VPS13D: variants seen among roughly 807,000 people sequenced by gnomAD.
VPS13D encodes vacuolar protein sorting 13 homolog D.
VPS13D carries 187 observed loss-of-function variants against 461.9 expected under a neutral mutation model. That is an observed-to-expected ratio of 0.40 (90% CI 0.36 to 0.46). VPS13D has a LOEUF of 0.46. Ranked by LOEUF, VPS13D falls within the 20% of genes least tolerant of loss-of-function variation. The pLI is 0.60. For missense variants in VPS13D, 4,711 were observed against 5,364.9 expected (o/e 0.88, Z 3.81); for synonymous variants, 1,951 against 1,986.3 (o/e 0.98, Z 0.47).
At chr1:12,338,978 G>T (rs1368775184) in intron 40 of VPS13D, among the ~76,000 whole-genome samples, 1 of 152,158 alleles carries the variant, frequency 6.6e-6, no homozygotes, top group Non-Finnish European at 1.5e-5. Flanking sequence ...AATGATTTAT[G>T]TGTGTACATG....
chr1:12,486,929 C>G (rs1645804809), intron 67 of VPS13D, among the ~76,000 whole-genome samples: 1 of 152,160 alleles, frequency 6.6e-6, no homozygotes, highest in African/African-American at 2.4e-5. Context: ...ACAAGAATCC[C>G]TGGTTCCGCA....
At chr1:12,395,207 G>T (rs949145612) in intron 60 of VPS13D, among the ~76,000 whole-genome samples, 1 of 152,156 alleles carries the variant, frequency 6.6e-6, no homozygotes, top group Non-Finnish European at 1.5e-5. Context: ...TCAGACAAAG[G>T]TGGAAAGCTG....
intron 39 of VPS13D, chr1:12,336,443 G>T (rs1412285034): frequency 2.0e-5 from 3 of 152,214 alleles, no homozygotes; most frequent in African/African-American, 7.2e-5. Flanking sequence ...TGGGGAGATG[G>T]TGATGGACAA....
chr1:12,360,440 T>C (rs1339825649), intron 50 of VPS13D, among the ~76,000 whole-genome samples: 2 of 152,240 alleles, frequency 1.3e-5, no homozygotes, highest in African/African-American at 2.4e-5. Flanking sequence ...TATCAACTTA[T>C]TGATTTATCA....
At chr1:12,331,131 G>A (rs1643321112) in intron 37 of VPS13D, among the ~76,000 whole-genome samples, 2 of 152,172 alleles carry the variant, frequency 1.3e-5, no homozygotes, top group Non-Finnish European at 2.9e-5. Context: ...AAATTCAGAA[G>A]CCATAATATA....
rs147297376 is a variant in VPS13D, at chr1:12,358,465, G to C, written c.10005G>C (p.Thr3335=). Residue 3335 remains threonine, a synonymous_variant, in exon 50 of 70, where the codon ACG becomes ACC. Transcript: ENST00000620676. ...YADKEQPNLC[T]MRIGRGIHPE... is the part of the protein sequence containing the mutation. ...TTGCTTTTCTGCCCCACAGCTGCAC[G>C]ATGAGAATCGGAAGGGGGATTCATC... 1.9e-6 allele frequency: 3 copies of C among 1,613,970 alleles called. No individual in the cohort carries two copies. In the African/African-American group the frequency reaches 4.0e-5, roughly 22 times the overall value.
chr1:12,381,924 T>TTCTTTTCTTTCTTTCTC (rs1644280161), intron 57 of VPS13D, among the ~76,000 whole-genome samples: 1 of 69,514 alleles, frequency 1.4e-5, no homozygotes, highest in Non-Finnish European at 2.8e-5. Context: ...TTCTTTTCTT[T>TTCTTTTCTTTCTTTCTC]TCTTTCTTTC....
At chr1:12,323,059 C>T (rs1643081217) in intron 34 of VPS13D, among the ~76,000 whole-genome samples, 1 of 151,848 alleles carries the variant, frequency 6.6e-6, no homozygotes, top group African/African-American at 2.4e-5. Flanking sequence ...TATTTTTAAG[C>T]TTTTATTATT....
intron 53 of VPS13D, 100 bp downstream of exon 53, chr1:12,368,691 G>T: frequency 7.3e-7 from 1 of 1,374,656 alleles, no homozygotes; most frequent in Non-Finnish European, 9.6e-7. Context: ...TTCAACTTGG[G>T]TTTAAAGGAA....
intron 52 of VPS13D, among the ~76,000 whole-genome samples, chr1:12,367,473 G>T (rs1458536958): frequency 6.6e-6 from 1 of 152,140 alleles, no homozygotes; most frequent in East Asian, 1.9e-4. Flanking sequence ...AAGACAAAGT[G>T]AATATTCTGT....
At chr1:12,273,886 A>T (rs922610915) in intron 18 of VPS13D, among the ~76,000 whole-genome samples, 2 of 152,128 alleles carry the variant, frequency 1.3e-5, no homozygotes, top group African/African-American at 2.4e-5. Flanking sequence ...TTGTATAAAC[A>T]TATATTTTCT....
intron 6 of VPS13D, among the ~76,000 whole-genome samples, chr1:12,252,987 T>C (rs985585780): frequency 1.5e-4 from 23 of 151,304 alleles, no homozygotes; most frequent in African/African-American, 5.1e-4. Context: ...GGAAAAACCC[T>C]GTCTCTACTA....
At chr1:12,262,219 T>A in intron 13 of VPS13D, 139 bp downstream of exon 13, 1 of 930,114 alleles carries the variant, frequency 1.1e-6, no homozygotes, top group Non-Finnish European at 1.5e-6. Flanking sequence ...CCATTGCTCT[T>A]AGGGGAAATA....
intron 27 of VPS13D, 116 bp downstream of exon 27, chr1:12,308,757 C>G: frequency 1.1e-6 from 1 of 943,292 alleles, no homozygotes; most frequent in South Asian, 1.6e-5. Flanking sequence ...TCAAGTGATT[C>G]TCCTCAGCCT....
intron 27 of VPS13D, among the ~76,000 whole-genome samples, chr1:12,310,467 A>G (rs1569870808): frequency 6.6e-6 from 1 of 152,162 alleles, no homozygotes; most frequent in Admixed American, 6.5e-5. Flanking sequence ...GCTTTTTAGT[A>G]TTGAGATGAG....
chr1:12,412,894 C>CTT (rs1265586999), intron 63 of VPS13D, among the ~76,000 whole-genome samples: 4 of 152,160 alleles, frequency 2.6e-5, no homozygotes, highest in Non-Finnish European at 5.9e-5. Flanking sequence ...ATTTGCAACA[C>CTT]ATCTGTTCAA....
Position 12,327,738 on chromosome 1 carries a change from G to A in VPS13D, c.8081G>A (p.Gly2694Glu). ...GCCTCCACCAGCCGAGATAGCCCAG[G>A]GGCTGTGGCAGCGCCATTGATCTCT... Reference protein sequence around the residue: ...SLASTSRDSPGAVAAPLISGV... With the variant: ...SLASTSRDSPEAVAAPLISGV... Residue 2694 changes from glycine to glutamate, a missense_variant, in exon 36 of 70, where the codon GGG becomes GAG. Gly to Glu is a moderately conservative substitution (Grantham distance 98). Around this residue, in one of 3 missense-constraint regions of VPS13D, gnomAD observed 4,411 missense variants for 4,937.8 expected, o/e 0.89. Coordinates refer to ENST00000620676, the MANE Select transcript of VPS13D (RefSeq NM_015378.4). The A allele has an allele frequency of 6.2e-7, 1 of 1,614,112 alleles. No homozygotes were observed. Among genetic ancestry groups the A allele is most frequent in the Non-Finnish European group, 8.5e-7 (1 of 1,180,018 alleles).
In VPS13D at chr1:12,507,622, A is replaced by C. The variant is rs2100568749; in HGVS notation, c.13035+529A>C. 6.6e-6 allele frequency among the ~76,000 whole-genome samples: 1 copy of C among 152,376 alleles called. No homozygotes were observed. Among genetic ancestry groups the C allele is most frequent in the South Asian group, 2.1e-4 (1 of 4,826 alleles). ...TATTGTTATGACAAGGCTTTTAAAT[A>C]ATAAAGCTCCTGCGAATAGCTAACG... On this transcript the variant is annotated intron_variant, in intron 69 of 69. Coordinates refer to ENST00000620676, the MANE Select transcript of VPS13D (RefSeq NM_015378.4). The surrounding 1 kb of genome is among the most constrained non-coding windows in gnomAD (Gnocchi z 5.3).
intron 49 of VPS13D, 116 bp from the exon 50 acceptor site, chr1:12,358,343 A>G (rs1053106909): frequency 7.5e-7 from 1 of 1,338,350 alleles, no homozygotes; most frequent in Non-Finnish European, 1.0e-6. Context: ...TGAGGAAGAG[A>G]GTCAGTGGTA....
Sources: allele counts gnomAD v4.1 joint callset (sites outside exome capture counted in the v4.1 genomes callset), GRCh38; gene constraint gnomAD v4.1.1; regional missense constraint gnomAD v4.1.1; non-coding constraint Gnocchi (gnomAD v3.1); transcripts MANE v1.5; gene names NCBI Gene and HGNC (gene_info 2026-07-23, HGNC 2026-07-21).